The following ANGPT1 variants were observed in gnomAD, a reference collection of about 807,000 sequenced individuals.
The protein encoded by ANGPT1 is angiopoietin-1.
Under a neutral mutation model 62.2 loss-of-function variants are expected in ANGPT1, and 17 were observed. The ratio of observed to expected loss-of-function variants is 0.27; its 90% CI spans 0.19 to 0.41. ANGPT1 has a LOEUF of 0.41. Ranked by LOEUF, ANGPT1 falls within the 10% of genes least tolerant of loss-of-function variation. The probability of loss-of-function intolerance (pLI) is 1.00; values close to 1 mark genes in which losing one functional copy is unlikely to be tolerated. For synonymous variants in ANGPT1, 199 were observed against 198.9 expected, an observed-to-expected ratio of 1.00 and a Z score of 0.00; for missense variants, 478 against 594.9, an observed-to-expected ratio of 0.80 and a Z score of 2.04.
At chr8:107,459,574 A>T (rs886811067) in intron 1 of ANGPT1, among the ~76,000 whole-genome samples, 6 of 152,186 alleles carry the variant, frequency 3.9e-5, no homozygotes, top group Non-Finnish European at 7.3e-5. Context: ...GGGAACGAGG[A>T]ATGCATAATA....
intron 2 of ANGPT1, among the ~76,000 whole-genome samples, chr8:107,339,870 A>G (rs1182635554): frequency 6.6e-6 from 1 of 152,214 alleles, no homozygotes; most frequent in Non-Finnish European, 1.5e-5. Flanking sequence ...GTCTAAATCT[A>G]GAGCAGCATC....
chr8:107,466,931 T>A (rs1256876818), intron 1 of ANGPT1, among the ~76,000 whole-genome samples: 1 of 151,762 alleles, frequency 6.6e-6, no homozygotes, highest in Non-Finnish European at 1.5e-5. Context: ...AATCGAGAAA[T>A]ATACAAATTC....
intron 7 of ANGPT1, among the ~76,000 whole-genome samples, chr8:107,265,732 G>A (rs994681371): frequency 1.4e-4 from 22 of 152,038 alleles, no homozygotes; most frequent in Admixed American, 1.4e-3. Flanking sequence ...TCACATCTCT[G>A]TATGAGTGAG....
rs78244017 is a variant in ANGPT1, at chr8:107,393,883, T to C, written c.298-46786A>G. Among the ~76,000 whole-genome samples, 1,109 of 152,266 alleles carry C rather than the reference T, an allele frequency of 7.3e-3. 13 individuals are homozygous for C. Among genetic ancestry groups the C allele is most frequent in the African/African-American group, 0.024 (1,007 of 41,560 alleles). ...CTTCCTGCAATAGATGGAGCAACCGTCTTGACTTGGCTTTAACCTGCTAAG... is the reference window on the plus strand; with the variant it reads ...CTTCCTGCAATAGATGGAGCAACCGCCTTGACTTGGCTTTAACCTGCTAAG... On this transcript the variant is annotated intron_variant, in intron 1 of 8. Transcript: ENST00000517746.
chr8:107,451,118 T>C (rs889712720), intron 1 of ANGPT1, among the ~76,000 whole-genome samples: 6 of 151,936 alleles, frequency 3.9e-5, no homozygotes, highest in Non-Finnish European at 5.9e-5. Context: ...TTCATATATA[T>C]TTCTTAAATT....
chr8:107,293,898 T>C (rs1165311054), intron 6 of ANGPT1, 38 bp downstream of exon 6: 1 of 1,550,644 alleles, frequency 6.4e-7, no homozygotes, highest in East Asian at 2.3e-5. Context: ...AACTTCAAGA[T>C]AAAACACCAA....
At chr8:107,302,029 C>T (rs578005628) in intron 5 of ANGPT1, among the ~76,000 whole-genome samples, 34 of 152,036 alleles carry the variant, frequency 2.2e-4, no homozygotes, top group African/African-American at 6.0e-4. Flanking sequence ...ATTTACTATG[C>T]ACTGCATGGA....
chr8:107,290,712 G>T (rs1280226508), intron 6 of ANGPT1, among the ~76,000 whole-genome samples: 1 of 152,112 alleles, frequency 6.6e-6, no homozygotes, highest in Non-Finnish European at 1.5e-5. Flanking sequence ...ATGCAAAATT[G>T]ACATTCATCT....
chr8:107,417,789 A>C (rs535307297), intron 1 of ANGPT1, among the ~76,000 whole-genome samples: 1 of 152,194 alleles, frequency 6.6e-6, no homozygotes, highest in Non-Finnish European at 1.5e-5. Context: ...TGTGGCTGTG[A>C]ATTTTAGTCA....
At chr8:107,341,061 T>C (rs1046851933) in intron 2 of ANGPT1, among the ~76,000 whole-genome samples, 2 of 152,194 alleles carry the variant, frequency 1.3e-5, no homozygotes, top group Non-Finnish European at 2.9e-5. Flanking sequence ...TATCTGTTAA[T>C]TTCCTAGGGA....
intron 1 of ANGPT1, 31 bp from the exon 2 acceptor site, chr8:107,347,128 A>C: frequency 1.3e-6 from 2 of 1,588,806 alleles, no homozygotes; most frequent in South Asian, 2.3e-5. Flanking sequence ...AACATATTAC[A>C]TTATAAGCAA....
rs564920708 is a variant in ANGPT1, at chr8:107,408,453, T to C, written c.298-61356A>G. On this transcript the variant is annotated intron_variant, in intron 1 of 8. Transcript: ENST00000517746. Reference sequence around the variant, plus strand: ...GATGTATTTTAGAGAGAAAAATGTGTTCCTCCGTCTGATACTAAAAAGAGT... The same window carrying C: ...GATGTATTTTAGAGAGAAAAATGTGCTCCTCCGTCTGATACTAAAAAGAGT... 1.7e-3 allele frequency among the ~76,000 whole-genome samples: 263 copies of C among 152,280 alleles called. 1 individual carries two copies. The highest frequency in any genetic ancestry group is 5.9e-3 in the African/African-American group (244 of 41,556).
At chr8:107,317,017 T>C (rs77219715) in intron 4 of ANGPT1, among the ~76,000 whole-genome samples, 7,088 of 152,252 alleles carry the variant, frequency 0.047, 443 homozygotes, top group African/African-American at 0.14. Context: ...ACTAGAATCA[T>C]AATAAGGATT....
chr8:107,418,736 C>A (rs1289128506), intron 1 of ANGPT1, among the ~76,000 whole-genome samples: 2 of 152,176 alleles, frequency 1.3e-5, no homozygotes, highest in African/African-American at 4.8e-5. Context: ...AAAATAAAAA[C>A]TTTGGATCCA....
At chr8:107,321,623 A>G (rs1041534367) in intron 4 of ANGPT1, among the ~76,000 whole-genome samples, 1 of 152,188 alleles carries the variant, frequency 6.6e-6, no homozygotes, top group Non-Finnish European at 1.5e-5. Context: ...ACAGTATCAC[A>G]GATTTTATCT....
rs1217740095 is a variant in ANGPT1, at chr8:107,346,970, G to T, written c.425C>A (p.Thr142Asn). ...TSLLSQTAEQ[T>N]RKLTDVETQV... is the part of the protein sequence containing the mutation. The stretch of plus-strand genomic sequence containing the variant: ...GGTCTCAACATCTGTCAGCTTTCTG[G>T]TCTGCTCTGCAGTCTGAGAGAGGAG... The change falls in exon 2 of 9, where the codon ACC (threonine) becomes AAC (asparagine). Residue 142 changes from threonine to asparagine, a missense_variant. By Grantham distance (65) the Thr-to-Asn change is moderately conservative (BLOSUM62 0). This residue lies in a region of ANGPT1 where 343 missense variants were observed against 355.4 expected (regional missense o/e 0.97). Transcript: ENST00000517746. 6.2e-7 allele frequency: 1 copy of T among 1,613,244 alleles called. No individual in the cohort carries two copies. The highest frequency in any genetic ancestry group is 8.5e-7 in the Non-Finnish European group (1 of 1,179,474).
At chr8:107,256,263 A>G (rs1813354126) in intron 8 of ANGPT1, among the ~76,000 whole-genome samples, 1 of 152,206 alleles carries the variant, frequency 6.6e-6, no homozygotes, top group Admixed American at 6.5e-5. Flanking sequence ...AGAAGAAGTA[A>G]TTACTTCTGT....
At chr8:107,312,997 C>T (rs1349350425) in intron 4 of ANGPT1, among the ~76,000 whole-genome samples, 2 of 152,018 alleles carry the variant, frequency 1.3e-5, no homozygotes, top group Non-Finnish European at 2.9e-5. Context: ...TCTGTGTGTC[C>T]ATGAGGCCTA....
intron 1 of ANGPT1, among the ~76,000 whole-genome samples, chr8:107,373,278 T>TTA (rs1265520846): frequency 6.6e-5 from 10 of 152,178 alleles, no homozygotes; most frequent in Admixed American, 3.3e-4. Flanking sequence ...TAGATTTTTT[T>TTA]TTTTTTGAAT....
Sources: gnomAD v4.1 joint callset for allele counts (sites outside exome capture counted in the v4.1 genomes callset) on GRCh38, gnomAD v4.1.1 for gene constraint, gnomAD v4.1.1 regional missense constraint, MANE v1.5 for transcripts, NCBI Gene and HGNC (gene_info 2026-07-23, HGNC 2026-07-21) for gene names.